AIPL1: variants seen among roughly 807,000 people sequenced by gnomAD.
The protein encoded by AIPL1 is AIP like 1 HSP90 co-chaperone, also known as aryl-hydrocarbon-interacting protein-like 1.
In AIPL1, 23 loss-of-function variants were observed where a neutral mutation model predicts 32.9. That is an observed-to-expected ratio of 0.70 (90% CI 0.50 to 0.99). The LOEUF (loss-of-function observed/expected upper bound fraction) is 0.99, where lower values mean the gene tolerates loss of function less well. AIPL1 is among the 50% of genes least tolerant of loss of function. AIPL1 has a pLI of 0.00. For synonymous variants in AIPL1, 210 were observed against 209.4 expected (o/e 1.00, Z -0.02); for missense variants, 485 against 506.0 (o/e 0.96, Z 0.40).
At chr17:6,431,892 A>G (rs1426502602) in intron 2 of AIPL1, among the ~76,000 whole-genome samples, 2 of 152,240 alleles carry the variant, frequency 1.3e-5, no homozygotes, top group African/African-American at 4.8e-5. Context: ...CAGACTTTTG[A>G]AAAAGAGAGA....
chr17:6,428,664 C>T (rs1024066751), intron 2 of AIPL1, among the ~76,000 whole-genome samples, 158 bp from the exon 3 acceptor site: 6 of 152,258 alleles, frequency 3.9e-5, no homozygotes, highest in African/African-American at 1.4e-4. Context: ...CAAAGCACTT[C>T]ACACTGTTAT....
intron 1 of AIPL1, 165 bp downstream of exon 1, chr17:6,434,844 C>T (rs182999372): frequency 7.8e-7 from 1 of 1,273,900 alleles, no homozygotes; most frequent in Non-Finnish European, 1.1e-6. Context: ...ACCAAAAATG[C>T]CCCCTGAATG....
intron 3 of AIPL1, 131 bp from the exon 4 acceptor site, chr17:6,427,188 G>C: frequency 9.7e-7 from 1 of 1,031,558 alleles, no homozygotes; most frequent in Non-Finnish European, 1.5e-6. Context: ...TACAGACAAG[G>C]GAAAGAAGCA....
chr17:6,426,845 A>C (rs115341523), intron 4 of AIPL1, 36 bp downstream of exon 4: 1 of 1,613,178 alleles, frequency 6.2e-7, no homozygotes, highest in East Asian at 2.2e-5. Context: ...CCCCAGAGTC[A>C]GCGCCACTTC....
At chr17:6,427,114 A>G in intron 3 of AIPL1, 57 bp from the exon 4 acceptor site, 1 of 1,599,364 alleles carries the variant, frequency 6.3e-7, no homozygotes. Flanking sequence ...GCACCCCATC[A>G]GAGACCCGAA....
At chr17:6,428,166 T>G in intron 3 of AIPL1, 152 bp downstream of exon 3, 1 of 913,380 alleles carries the variant, frequency 1.1e-6, no homozygotes, top group Non-Finnish European at 1.7e-6. Flanking sequence ...TTTTTTCAAA[T>G]TCGTATTCTC....
At position 6,426,910 on chromosome 17, in the gene AIPL1, T is replaced by G; in HGVS notation, c.613A>C (p.Ile205Leu). 6.2e-7 allele frequency: 1 copy of G among 1,614,216 alleles called. No individual in the cohort carries two copies. Among genetic ancestry groups the G allele is most frequent in the East Asian group, 2.2e-5 (1 of 44,878 alleles). The change falls in exon 4 of 6, where the codon ATC becomes CTC. Residue 205 changes from isoleucine (I) to leucine (L), a missense_variant. Transcript: ENST00000381129. ...EEASSKYQEAIICLRNLQTKE... is the reference protein window; with the variant it reads ...EEASSKYQEALICLRNLQTKE... ...GTCTGCAGGTTCCTTAGGCAGATGA[T>G]GGCCTCCTGGTACTTGGAAGAGGCC...
intron 3 of AIPL1, among the ~76,000 whole-genome samples, chr17:6,427,593 C>T (rs1262702029): frequency 1.3e-5 from 2 of 152,136 alleles, no homozygotes; most frequent in Non-Finnish European, 2.9e-5. Context: ...CACCAATCCA[C>T]AAACACGCGC....
At chr17:6,427,113 CAG>C (rs1224094306) in intron 3 of AIPL1, 56 bp from the exon 4 acceptor site, 1 of 1,600,514 alleles carries the variant, frequency 6.2e-7, no homozygotes, top group Admixed American at 1.7e-5. Context: ...TGCACCCCAT[CAG>C]AGACCCGAAA....
chr17:6,433,611 T>TCA (rs541117064), intron 2 of AIPL1, among the ~76,000 whole-genome samples: 57 of 106,300 alleles, frequency 5.4e-4, no homozygotes, highest in Non-Finnish European at 6.9e-4. Flanking sequence ...TCTCTCTCTC[T>TCA]CACACACACA....
chr17:6,430,281 T>C (rs1027599135), intron 2 of AIPL1, among the ~76,000 whole-genome samples: 1 of 151,206 alleles, frequency 6.6e-6, no homozygotes, highest in Non-Finnish European at 1.5e-5. Context: ...CATGTTGAAA[T>C]CCCATCTCTA....
chr17:6,426,040 G>A (rs1443128086), intron 5 of AIPL1: 1 of 1,072,972 alleles, frequency 9.3e-7, no homozygotes, highest in Non-Finnish European at 1.3e-6. Context: ...AAGGCCCTGT[G>A]AGTAATTTTA....
chr17:6,426,970 C>T lies in AIPL1; in HGVS notation c.553G>A (p.Gly185Arg), dbSNP rs1567637223. 4 of 1,614,218 alleles carry T rather than the reference C, an allele frequency of 2.5e-6. No homozygotes were observed. The highest frequency in any genetic ancestry group is 3.4e-6 in the Non-Finnish European group (4 of 1,180,042). The change falls in exon 4 of 6, where the codon GGA (glycine) becomes AGA (arginine). Residue 185 changes from glycine to arginine, a missense_variant. Transcript: ENST00000381129. ...CGGCCCAGCTTGAAGAGCCGATTTC[C>T]CTCTCCGTGGAGGACGGGCACCGCC... ...MKAVPVLHGE[G>R]NRLFKLGRYE...
In AIPL1 at chr17:6,426,991, C is replaced by T. The variant is rs1477270229; in HGVS notation, c.532G>A (p.Val178Met). 1 of 1,614,088 alleles carries T rather than the reference C, an allele frequency of 6.2e-7. No individual in the cohort carries two copies. Among genetic ancestry groups the T allele is most frequent in the Admixed American group, 1.7e-5 (1 of 60,006 alleles). The change falls in exon 4 of 6, where the codon GTG (valine) becomes ATG (methionine). Residue 178 changes from valine to methionine, a missense_variant. Transcript: ENST00000381129. ...NLSNHEKMKA[V>M]PVLHGEGNRL... Reference sequence around the variant, plus strand: ...TTTCCCTCTCCGTGGAGGACGGGCACCGCCTTCATCTTCTCATGATTGCTC... The same window carrying T: ...TTTCCCTCTCCGTGGAGGACGGGCATCGCCTTCATCTTCTCATGATTGCTC...
intron 2 of AIPL1, among the ~76,000 whole-genome samples, chr17:6,430,132 G>A (rs1475080936): frequency 6.6e-6 from 1 of 151,754 alleles, no homozygotes; most frequent in Admixed American, 6.6e-5. Flanking sequence ...GCTGGGGTGA[G>A]GAGATGTGCG....
chr17:6,435,039 G>C lies in AIPL1; in HGVS notation c.66C>G (p.Gly22=). 1 of 1,614,214 alleles carries C rather than the reference G, an allele frequency of 6.2e-7. No individual in the cohort carries two copies. Among genetic ancestry groups the C allele is most frequent in the Non-Finnish European group, 8.5e-7 (1 of 1,180,032 alleles). Residue 22 remains glycine (G), a synonymous_variant, in exon 1 of 6, where the codon GGC becomes GGG. Coordinates refer to ENST00000381129, the MANE Select transcript of AIPL1 (RefSeq NM_014336.5). ...ATCCGGTGATGAAGTTTGGGAGCTC[G>C]CCCGTGCCCCCGTGCAGAATGGTTT... ...VKKTILHGGT[G]ELPNFITGSR...
intron 5 of AIPL1, 90 bp from the exon 6 acceptor site, chr17:6,425,920 C>T: frequency 3.3e-6 from 5 of 1,501,476 alleles, no homozygotes; most frequent in Non-Finnish European, 4.5e-6. Flanking sequence ...CCTCCAAGAC[C>T]CTCAGCCCCG....
chr17:6,430,912 G>A (rs927634042), intron 2 of AIPL1, among the ~76,000 whole-genome samples: 4 of 152,192 alleles, frequency 2.6e-5, no homozygotes, highest in African/African-American at 7.2e-5. Flanking sequence ...AAGGAAAGAT[G>A]TTCAACATAT....
intron 5 of AIPL1, chr17:6,426,121 C>A (rs1371884907): frequency 7.5e-7 from 1 of 1,327,876 alleles, no homozygotes; most frequent in Non-Finnish European, 9.7e-7. Flanking sequence ...CCTTTCCCTG[C>A]ACCTCCCTCA....
Sources: allele counts gnomAD v4.1 joint callset (sites outside exome capture counted in the v4.1 genomes callset), GRCh38; gene constraint gnomAD v4.1.1; transcripts MANE v1.5; gene names NCBI Gene and HGNC (gene_info 2026-07-23, HGNC 2026-07-21).